The following NEGR1 variants were observed in gnomAD, a reference collection of about 807,000 sequenced individuals.
NEGR1 encodes IgLON family member 4.
A neutral mutation model predicts 40.9 loss-of-function variants in NEGR1; 10 were observed. The ratio of observed to expected loss-of-function variants is 0.24; its 90% CI spans 0.15 to 0.42. The LOEUF (loss-of-function observed/expected upper bound fraction) is 0.42, where lower values mean the gene tolerates loss of function less well. Ranked by LOEUF, NEGR1 falls within the 10% of genes least tolerant of loss-of-function variation. NEGR1 has a pLI of 1.00. For synonymous variants in NEGR1, 185 were observed against 166.8 expected (o/e 1.11, Z -0.84); for missense variants, 352 against 438.9 (o/e 0.80, Z 1.77).
intron 2 of NEGR1, among the ~76,000 whole-genome samples, chr1:71,815,633 T>C (rs1476521393): frequency 1.3e-5 from 2 of 152,088 alleles, no homozygotes; most frequent in Non-Finnish European, 2.9e-5. Context: ...GTTCTTCTTG[T>C]TGAGTTGATC....
intron 2 of NEGR1, among the ~76,000 whole-genome samples, chr1:71,840,296 T>C (rs549124479): frequency 6.6e-6 from 1 of 152,224 alleles, no homozygotes; most frequent in South Asian, 2.1e-4. Flanking sequence ...CTCTAAAGTG[T>C]TCAGAATTAC....
chr1:72,145,466 A>C (rs1447402951), intron 1 of NEGR1, among the ~76,000 whole-genome samples: 1 of 152,164 alleles, frequency 6.6e-6, no homozygotes. Context: ...TGTGAAACAG[A>C]ATTTTGTTTA....
intron 2 of NEGR1, among the ~76,000 whole-genome samples, chr1:71,831,217 A>G (rs992822323): frequency 2.0e-5 from 3 of 151,932 alleles, no homozygotes; most frequent in Non-Finnish European, 2.9e-5. Flanking sequence ...TGGAAATTTC[A>G]TGTTCATTCA....
intron 1 of NEGR1, among the ~76,000 whole-genome samples, chr1:72,192,049 T>A (rs565155280): frequency 1.3e-4 from 20 of 152,080 alleles, no homozygotes; most frequent in Non-Finnish European, 2.4e-4. Context: ...AGTACATTTA[T>A]AAAATAGTTT....
chr1:71,767,014 C>A (rs997455878), intron 3 of NEGR1, among the ~76,000 whole-genome samples: 1 of 152,108 alleles, frequency 6.6e-6, no homozygotes, highest in African/African-American at 2.4e-5. Flanking sequence ...AACAAGGAAC[C>A]AATTAAACTT....
chr1:71,993,167 T>C (rs925667820), intron 1 of NEGR1, among the ~76,000 whole-genome samples: 3 of 152,234 alleles, frequency 2.0e-5, no homozygotes, highest in African/African-American at 7.2e-5. Context: ...TTCTTCTCAA[T>C]TGAAGATTAA....
chr1:71,573,206 G>A (rs575611959), intron 6 of NEGR1, among the ~76,000 whole-genome samples: 7 of 152,238 alleles, frequency 4.6e-5, no homozygotes, highest in African/African-American at 1.7e-4. Flanking sequence ...AATAGATAAA[G>A]GGAAGTCACA....
intron 1 of NEGR1, among the ~76,000 whole-genome samples, chr1:72,121,080 T>G (rs1181727776): frequency 1.3e-5 from 2 of 152,090 alleles, no homozygotes; most frequent in Non-Finnish European, 2.9e-5. Flanking sequence ...GTAGTCATTT[T>G]CTTACAGTTC....
chr1:71,424,941 C>A (rs747123810), intron 6 of NEGR1, among the ~76,000 whole-genome samples: 1 of 152,282 alleles, frequency 6.6e-6, no homozygotes, highest in Non-Finnish European at 1.5e-5. Context: ...TCATATTGCA[C>A]TTCAGACTTA....
chr1:71,884,876 C>T (rs1660682098), intron 2 of NEGR1, among the ~76,000 whole-genome samples: 1 of 152,122 alleles, frequency 6.6e-6, no homozygotes. Context: ...TTGTAAACAC[C>T]TTTCTCTATA....
chr1:72,265,689 T>C (rs536851725), intron 1 of NEGR1, among the ~76,000 whole-genome samples: 1 of 151,032 alleles, frequency 6.6e-6, no homozygotes, highest in Non-Finnish European at 1.5e-5. Context: ...TAAGCATACC[T>C]GCTAAGAACT....
intron 2 of NEGR1, among the ~76,000 whole-genome samples, chr1:71,817,472 C>T (rs1372320553): frequency 1.3e-5 from 2 of 152,048 alleles, no homozygotes; most frequent in Non-Finnish European, 2.9e-5. Flanking sequence ...TTCATAGGCG[C>T]TATTCCCTAA....
At chr1:71,709,957 T>A (rs375896700) in intron 3 of NEGR1, among the ~76,000 whole-genome samples, 1 of 152,054 alleles carries the variant, frequency 6.6e-6, no homozygotes, top group East Asian at 1.9e-4. Flanking sequence ...AGACAACCCA[T>A]AGAATGGGAG....
At chr1:72,215,475 G>A (rs1479419678) in intron 1 of NEGR1, among the ~76,000 whole-genome samples, 1 of 151,880 alleles carries the variant, frequency 6.6e-6, no homozygotes, top group Non-Finnish European at 1.5e-5. Flanking sequence ...ATCAGACAAA[G>A]GTCTAGTATC....
chr1:72,054,196 G>A (rs1351930103), intron 1 of NEGR1, among the ~76,000 whole-genome samples: 6 of 151,346 alleles, frequency 4.0e-5, no homozygotes, highest in African/African-American at 1.5e-4. Context: ...TAAATCATCA[G>A]AGCTTTTTCA....
At position 71,455,946 on chromosome 1, in the gene NEGR1, C is replaced by A. The variant is rs550062870; in HGVS notation, c.941-48376G>T. On this transcript the variant is annotated intron_variant, in intron 6 of 6. Transcript: ENST00000357731. ...TATCATGTGTTGCTCCTTAGATATG[C>A]CAGTTGGTTCAGAATTTCCAAAATA... is the stretch of plus-strand genomic sequence containing the variant. 1.7e-4 allele frequency among the ~76,000 whole-genome samples: 26 copies of A among 152,212 alleles called. No homozygotes were observed. The South Asian group carries it at 5.2e-3, about 30-fold the overall frequency.
intron 4 of NEGR1, among the ~76,000 whole-genome samples, chr1:71,621,089 G>A (rs1426122979): frequency 6.6e-6 from 1 of 151,844 alleles, no homozygotes; most frequent in Admixed American, 6.6e-5. Flanking sequence ...CCTTTTAAGG[G>A]CATGGAATCA....
At chr1:71,848,036 C>T (rs911349364) in intron 2 of NEGR1, among the ~76,000 whole-genome samples, 2 of 152,088 alleles carry the variant, frequency 1.3e-5, no homozygotes, top group Non-Finnish European at 2.9e-5. Flanking sequence ...CTGGATAGAT[C>T]GAATAGCCAC....
intron 2 of NEGR1, among the ~76,000 whole-genome samples, chr1:71,875,959 A>C (rs2101837763): frequency 6.6e-6 from 1 of 152,148 alleles, no homozygotes; most frequent in Admixed American, 6.6e-5. Flanking sequence ...CCATCAAATA[A>C]ACCTAAAGTT....
Sources: allele counts gnomAD v4.1 joint callset (sites outside exome capture counted in the v4.1 genomes callset), GRCh38; gene constraint gnomAD v4.1.1; transcripts MANE v1.5; gene names NCBI Gene and HGNC (gene_info 2026-07-23, HGNC 2026-07-21).